The following THADA variants were observed in gnomAD, a reference collection of about 807,000 sequenced individuals.
THADA encodes tRNA (32-2'-O)-methyltransferase regulator THADA.
In THADA, 213 loss-of-function variants were observed where a neutral mutation model predicts 219.8. The observed-to-expected ratio is 0.97, with a 90% CI of 0.87 to 1.09. The LOEUF (loss-of-function observed/expected upper bound fraction) is 1.09, where lower values mean the gene tolerates loss of function less well. Ranked by LOEUF, THADA falls within the 50% of genes least tolerant of loss-of-function variation. The probability of loss-of-function intolerance (pLI) is 0.00; values close to 1 mark genes in which losing one functional copy is unlikely to be tolerated. For synonymous variants in THADA, 1,018 were observed against 828.9 expected (o/e 1.23, Z -3.92); for missense variants, 2,956 against 2,311.3 (o/e 1.28, Z -5.72).
chr2:43,546,728 T>G (rs1000817449), intron 20 of THADA, among the ~76,000 whole-genome samples: 7 of 152,108 alleles, frequency 4.6e-5, no homozygotes, highest in Non-Finnish European at 1.0e-4. Context: ...GCTTGGTAGA[T>G]CTTCCTCCAT....
intron 23 of THADA, among the ~76,000 whole-genome samples, chr2:43,508,138 A>C (rs188566062): frequency 2.0e-5 from 3 of 152,302 alleles, no homozygotes; most frequent in Admixed American, 6.5e-5. Flanking sequence ...ATAATAGGGT[A>C]CAGGGAAGGA....
intron 26 of THADA, among the ~76,000 whole-genome samples, chr2:43,447,200 C>T (rs1050908098): frequency 1.4e-4 from 22 of 152,068 alleles, no homozygotes; most frequent in African/African-American, 3.9e-4. Flanking sequence ...GATTCAATTA[C>T]CTCCCACCAG....
rs185306441 is a variant in THADA at position 43,375,059 on chromosome 2, C to A, written c.4227+22912G>T. ...TCGTGGACCAAAAAGAAAAAAAAAA[C>A]CAGAAAAACTATGCAAATGATAGTT... On this transcript the variant is annotated intron_variant, in intron 29 of 37. Transcript: ENST00000405975. Among the ~76,000 whole-genome samples, 1,074 of 151,704 alleles carry A rather than the reference C, an allele frequency of 7.1e-3. 15 individuals are homozygous for A. Among genetic ancestry groups the A allele is most frequent in the Non-Finnish European group, 0.012 (824 of 67,906 alleles).
intron 26 of THADA, among the ~76,000 whole-genome samples, chr2:43,466,038 A>G (rs1684190283): frequency 6.6e-6 from 1 of 152,088 alleles, no homozygotes; most frequent in Non-Finnish European, 1.5e-5. Context: ...TACTGTCTTA[A>G]TATCTCTAAT....
intron 26 of THADA, among the ~76,000 whole-genome samples, chr2:43,435,964 A>G (rs538008558): frequency 2.6e-5 from 4 of 152,170 alleles, no homozygotes; most frequent in Admixed American, 1.3e-4. Context: ...CAGCCTGGCC[A>G]AAAGAGCCCT....
At chr2:43,505,776 T>G in intron 23 of THADA, 41 bp from the exon 24 acceptor site, 1 of 1,392,304 alleles carries the variant, frequency 7.2e-7, no homozygotes. Flanking sequence ...GTTCTTAGTT[T>G]ACATATACTT....
Position 43,527,931 on chromosome 2 carries a change from C to T in THADA, c.3322G>A (p.Ala1108Thr). The change falls in exon 22 of 38, where the codon GCA becomes ACA. Residue 1108 changes from alanine (A) to threonine (T), a missense_variant. Coordinates refer to ENST00000405975, the MANE Select transcript of THADA (RefSeq NM_022065.5). ...QHLLQSRHRG[A>T]FELAYTGFVK... ...AAACCAGTATAAGCCAATTCAAATG[C>T]TCCTCTGTGCCTGGACTGCAAAAGG... 6.2e-7 allele frequency: 1 copy of T among 1,613,720 alleles called. No homozygotes were observed. Among genetic ancestry groups the T allele is most frequent in the Non-Finnish European group, 8.5e-7 (1 of 1,179,750 alleles).
chr2:43,455,317 CT>C (rs1156987279), intron 26 of THADA, among the ~76,000 whole-genome samples: 3 of 152,248 alleles, frequency 2.0e-5, no homozygotes, highest in African/African-American at 7.2e-5. Context: ...GTGTAACTTA[CT>C]TTTTTTCCAT....
chr2:43,280,010 CT>C, intron 35 of THADA, 114 bp from the exon 36 acceptor site: 10 of 1,057,662 alleles, frequency 9.5e-6, no homozygotes, highest in Admixed American at 4.0e-5. Flanking sequence ...ACAGCTATCT[CT>C]TTTTTTCTGG....
chr2:43,271,828 T>C (rs1672158961), intron 36 of THADA, among the ~76,000 whole-genome samples: 1 of 152,162 alleles, frequency 6.6e-6, no homozygotes, highest in Admixed American at 6.5e-5. Flanking sequence ...TTGGCCAGGC[T>C]GGTCTCGAAC....
chr2:43,423,407 C>T (rs887147410), intron 28 of THADA, among the ~76,000 whole-genome samples: 1 of 151,852 alleles, frequency 6.6e-6, no homozygotes, highest in African/African-American at 2.4e-5. Context: ...ATATACCTAC[C>T]AAATAAGTAG....
intron 36 of THADA, among the ~76,000 whole-genome samples, chr2:43,268,384 TG>T (rs1327266827): frequency 1.3e-5 from 2 of 152,162 alleles, no homozygotes; most frequent in African/African-American, 4.8e-5. Context: ...TCTATCTCAA[TG>T]TACACACCCT....
intron 26 of THADA, among the ~76,000 whole-genome samples, chr2:43,446,027 C>T (rs1220746024): frequency 6.6e-6 from 1 of 152,184 alleles, no homozygotes; most frequent in African/African-American, 2.4e-5. Flanking sequence ...AACACATTTC[C>T]ACTCCTTTAC....
chr2:43,339,781 A>G (rs1346803986), intron 30 of THADA, among the ~76,000 whole-genome samples: 1 of 152,172 alleles, frequency 6.6e-6, no homozygotes, highest in Non-Finnish European at 1.5e-5. Flanking sequence ...TAGCTGGGAC[A>G]GCTGAGCTGG....
intron 22 of THADA, among the ~76,000 whole-genome samples, chr2:43,520,483 T>G (rs1692264124): frequency 6.6e-6 from 1 of 151,640 alleles, no homozygotes; most frequent in Non-Finnish European, 1.5e-5. Flanking sequence ...ATCTCAGGAG[T>G]TGGAGACCAG....
rs1558527804 is a variant in THADA, at chr2:43,291,473, A to AAAAAAAAAAAAC, written c.5010+222_5010+223insGTTTTTTTTTTT. Among the ~76,000 whole-genome samples the AAAAAAAAAAAAC allele has an allele frequency of 3.6e-4, 53 of 146,846 alleles. 3 individuals are homozygous for AAAAAAAAAAAAC. Among genetic ancestry groups the AAAAAAAAAAAAC allele is most frequent in the African/African-American group, 1.3e-3 (50 of 39,590 alleles). On this transcript the variant is annotated intron_variant, in intron 34 of 37. Transcript: ENST00000405975. ...CCATCTCAAAAAAAAAAAAAAAAAA[A>AAAAAAAAAAAAC]AAAAAAAAATCCTAAAACAAGAGAA...
chr2:43,437,662 T>C (rs1274054786), intron 26 of THADA, among the ~76,000 whole-genome samples: 1 of 152,206 alleles, frequency 6.6e-6, no homozygotes, highest in Non-Finnish European at 1.5e-5. Flanking sequence ...CAAGATGAGT[T>C]ACTGCCACTG....
chr2:43,305,884 T>TTCCTTTCCCCTTTTTTTC (rs1308581654), intron 31 of THADA, among the ~76,000 whole-genome samples: 2 of 152,070 alleles, frequency 1.3e-5, no homozygotes, highest in Admixed American at 1.3e-4. Context: ...TACTTCTGGT[T>TTCCTTTCCCCTTTTTTTC]TCCTTTCCCC....
In THADA at chr2:43,265,662, G is replaced by A. The variant is rs993916784; in HGVS notation, c.5296+14103C>T. Reference sequence around the variant, plus strand: ...AGGAGCTGAATGAGAAGCCCACAGAGGCTATGCTGTACAACCCCACTTCTT... The same window carrying A: ...AGGAGCTGAATGAGAAGCCCACAGAAGCTATGCTGTACAACCCCACTTCTT... On this transcript the variant is annotated intron_variant, in intron 36 of 37. Transcript: ENST00000405975. 2.0e-5 allele frequency among the ~76,000 whole-genome samples: 3 copies of A among 152,178 alleles called. No homozygotes were observed. The East Asian group carries it at 5.8e-4, about 29-fold the overall frequency.
Sources: allele counts gnomAD v4.1 joint callset (sites outside exome capture counted in the v4.1 genomes callset), GRCh38; gene constraint gnomAD v4.1.1; transcripts MANE v1.5; gene names NCBI Gene and HGNC (gene_info 2026-07-23, HGNC 2026-07-21).